Variants in TMTC1 observed in about 807,000 individuals in gnomAD.
The protein encoded by TMTC1 is transmembrane O-mannosyltransferase targeting cadherins 1, also known as protein O-mannosyl-transferase TMTC1.
Under a neutral mutation model 104.8 loss-of-function variants are expected in TMTC1, and 73 were observed. The ratio of observed to expected loss-of-function variants is 0.70; its 90% CI spans 0.58 to 0.85. The LOEUF is 0.85. TMTC1 is among the 40% of genes least tolerant of loss of function. TMTC1 has a pLI of 0.00. For synonymous variants in TMTC1, 434 were observed against 428.7 expected, an observed-to-expected ratio of 1.01 and a Z score of -0.15; for missense variants, 1,035 against 1,096.1, an observed-to-expected ratio of 0.94 and a Z score of 0.79.
chr12:29,758,426 C>T (rs542910071), intron 3 of TMTC1, among the ~76,000 whole-genome samples: 1 of 152,288 alleles, frequency 6.6e-6, no homozygotes, highest in South Asian at 2.1e-4. Context: ...ATTCACTTCT[C>T]AGTAAGAAAC....
intron 5 of TMTC1, among the ~76,000 whole-genome samples, chr12:29,736,218 G>T (rs1316800630): frequency 1.4e-5 from 2 of 145,380 alleles, no homozygotes; most frequent in African/African-American, 5.1e-5. Context: ...CTATGTTAAG[G>T]TAGACTTGAG....
intron 3 of TMTC1, among the ~76,000 whole-genome samples, chr12:29,756,251 A>G (rs948676631): frequency 2.0e-5 from 3 of 152,214 alleles, no homozygotes; most frequent in Non-Finnish European, 4.4e-5. Flanking sequence ...TGCTAACCAC[A>G]GCCGTCAATT....
intron 5 of TMTC1, among the ~76,000 whole-genome samples, chr12:29,712,278 A>G (rs1487676414): frequency 1.3e-5 from 2 of 152,152 alleles, no homozygotes; most frequent in African/African-American, 2.4e-5. Context: ...AAATATTCAA[A>G]TGTTCAAACA....
chr12:29,570,886 C>CT (rs1491262587), intron 9 of TMTC1, among the ~76,000 whole-genome samples: 12 of 98,404 alleles, frequency 1.2e-4, no homozygotes, highest in Non-Finnish European at 2.1e-4. Context: ...GAAACACCCC[C>CT]CCCCCCCGCC....
At chr12:29,563,932 G>A (rs1347047330) in intron 9 of TMTC1, among the ~76,000 whole-genome samples, 1 of 152,114 alleles carries the variant, frequency 6.6e-6, no homozygotes, top group Non-Finnish European at 1.5e-5. Context: ...CATACAGGAC[G>A]AGGGCAAATG....
At chr12:29,649,217 G>T (rs1049294705) in intron 5 of TMTC1, among the ~76,000 whole-genome samples, 7 of 152,048 alleles carry the variant, frequency 4.6e-5, no homozygotes, top group African/African-American at 1.7e-4. Flanking sequence ...TTTACCTCTT[G>T]TGAAAACTTC....
intron 3 of TMTC1, among the ~76,000 whole-genome samples, chr12:29,758,246 G>A (rs1046750571): frequency 5.3e-5 from 8 of 152,130 alleles, no homozygotes; most frequent in Non-Finnish European, 8.8e-5. Flanking sequence ...AACCACAGTC[G>A]AGAAATGCTA....
At chr12:29,532,516 G>A (rs1458158163) in intron 11 of TMTC1, 3 of 152,006 alleles carry the variant, frequency 2.0e-5, no homozygotes, top group African/African-American at 7.3e-5. Context: ...TCAGTAAGCA[G>A]CCATTTAAGT....
chr12:29,593,921 T>C (rs1332757910), intron 7 of TMTC1, among the ~76,000 whole-genome samples: 2 of 152,234 alleles, frequency 1.3e-5, no homozygotes, highest in African/African-American at 4.8e-5. Flanking sequence ...TGAACCATTG[T>C]GGTTGAAGGT....
intron 5 of TMTC1, among the ~76,000 whole-genome samples, chr12:29,745,898 G>A (rs1385354859): frequency 1.3e-5 from 2 of 152,008 alleles, no homozygotes; most frequent in African/African-American, 4.8e-5. Context: ...TCTGAATACG[G>A]TCACCTAAAA....
intron 5 of TMTC1, among the ~76,000 whole-genome samples, chr12:29,705,503 C>G (rs139753615): frequency 6.6e-6 from 1 of 152,098 alleles, no homozygotes; most frequent in Non-Finnish European, 1.5e-5. Flanking sequence ...TCACTGGAGA[C>G]GCATCAGTGG....
chr12:29,549,973 T>C lies in TMTC1; in HGVS notation c.1676+6884A>G, dbSNP rs140627361. Among the ~76,000 whole-genome samples, 179 of 152,234 alleles carry C rather than the reference T, an allele frequency of 1.2e-3. 1 individual carries two copies. The highest frequency in any genetic ancestry group is 4.2e-3 in the African/African-American group (173 of 41,530). On this transcript the variant is annotated intron_variant, in intron 10 of 17. Coordinates refer to ENST00000539277, the MANE Select transcript of TMTC1 (RefSeq NM_001193451.2). ...TAGAGTCCTACATTCTCTACAGGAGTGAAAATTGTTTCTTGGGGTGGGGAT... is the reference window on the plus strand; with the variant it reads ...TAGAGTCCTACATTCTCTACAGGAGCGAAAATTGTTTCTTGGGGTGGGGAT...
intron 5 of TMTC1, among the ~76,000 whole-genome samples, chr12:29,710,332 T>C (rs1031253699): frequency 6.6e-6 from 1 of 151,972 alleles, no homozygotes; most frequent in Middle Eastern, 3.2e-3. Flanking sequence ...GCATGCCAAT[T>C]AGTCTGCAGG....
At chr12:29,737,155 G>A (rs1406598819) in intron 5 of TMTC1, among the ~76,000 whole-genome samples, 1 of 152,240 alleles carries the variant, frequency 6.6e-6, no homozygotes, top group East Asian at 1.9e-4. Flanking sequence ...TCTGAACAGA[G>A]ACATCCTATT....
intron 5 of TMTC1, among the ~76,000 whole-genome samples, chr12:29,728,420 C>T (rs1942458391): frequency 6.6e-6 from 1 of 152,128 alleles, no homozygotes; most frequent in African/African-American, 2.4e-5. Context: ...AAACTGCCCA[C>T]ATGTGGGAAG....
At chr12:29,758,881 G>T in intron 2 of TMTC1, 104 bp from the exon 3 acceptor site, 2 of 993,396 alleles carry the variant, frequency 2.0e-6, no homozygotes, top group Non-Finnish European at 1.4e-6. Flanking sequence ...ATAAATGGAA[G>T]ATATAATAAA....
chr12:29,626,515 T>C lies in TMTC1; in HGVS notation c.1128+6632A>G, dbSNP rs1418761151. On this transcript the variant is annotated intron_variant, in intron 6 of 17. Coordinates refer to ENST00000539277, the MANE Select transcript of TMTC1 (RefSeq NM_001193451.2). ...ATTTACAAAAAGATGTATCAGATGG[T>C]TACTTTAAAATAAGGTGTTTAGGGA... 2.6e-5 allele frequency among the ~76,000 whole-genome samples: 4 copies of C among 152,176 alleles called. No individual in the cohort carries two copies. In the East Asian group the frequency reaches 5.8e-4, roughly 22 times the overall value.
At chr12:29,682,533 T>G (rs1164182817) in intron 5 of TMTC1, among the ~76,000 whole-genome samples, 1 of 152,164 alleles carries the variant, frequency 6.6e-6, no homozygotes, top group Non-Finnish European at 1.5e-5. Flanking sequence ...TTAAACAAAC[T>G]ATAGTACATC....
At chr12:29,639,248 C>A (rs982294852) in intron 5 of TMTC1, among the ~76,000 whole-genome samples, 2 of 152,082 alleles carry the variant, frequency 1.3e-5, no homozygotes, top group Non-Finnish European at 2.9e-5. Context: ...CAATGGAGTT[C>A]TAAGAAATGA....
Sources: allele counts gnomAD v4.1 joint callset (sites outside exome capture counted in the v4.1 genomes callset), GRCh38; gene constraint gnomAD v4.1.1; transcripts MANE v1.5; gene names NCBI Gene and HGNC (gene_info 2026-07-23, HGNC 2026-07-21).